SCN8A: variants seen among roughly 807,000 people sequenced by gnomAD.
SCN8A encodes sodium voltage-gated channel alpha subunit 8.
Under a neutral mutation model 184.1 loss-of-function variants are expected in SCN8A, and 30 were observed. The observed-to-expected ratio is 0.16, with a 90% CI of 0.12 to 0.22. The LOEUF (loss-of-function observed/expected upper bound fraction) is 0.22, where lower values mean the gene tolerates loss of function less well. Among genes scored for constraint, SCN8A ranks in the 10% least tolerant of loss-of-function variants. The pLI is 1.00. For missense variants in SCN8A, 1,057 were observed against 2,498.9 expected (o/e 0.42, Z 12.30); for synonymous variants, 852 against 907.0 (o/e 0.94, Z 1.09).
intron 25 of SCN8A, among the ~76,000 whole-genome samples, chr12:51,792,417 G>A (rs1243202263): frequency 6.7e-6 from 1 of 149,792 alleles, no homozygotes; most frequent in African/African-American, 2.5e-5. Context: ...AGGAGTCAGG[G>A]CTGCAGAGGA....
At chr12:51,777,384 T>G (rs911504906) in intron 20 of SCN8A, among the ~76,000 whole-genome samples, 3 of 152,170 alleles carry the variant, frequency 2.0e-5, no homozygotes, top group African/African-American at 7.2e-5. Flanking sequence ...CTCAGCCTCC[T>G]GAGTAGCTGG....
rs1207204144 is a variant in SCN8A, at chr12:51,806,796, T to C, written c.5310T>C (p.Ser1770=). The C allele has an allele frequency of 6.2e-7, 1 of 1,614,208 alleles. No homozygotes were observed. The highest frequency in any genetic ancestry group is 8.5e-7 in the Non-Finnish European group (1 of 1,180,038). Residue 1770 remains serine (S), a synonymous_variant, in exon 27 of 27, where the codon AGT becomes AGC. Coordinates refer to ENST00000627620, the MANE Select transcript of SCN8A (RefSeq NM_001330260.2). This position sits in a 1 kb window ranked among gnomAD's most constrained non-coding sequence, Gnocchi z 8.7. ...MYIAIILENF[S]VATEESADPL... Reference sequence around the variant, plus strand: ...TTGCCATCATCCTGGAGAACTTCAGTGTAGCCACAGAGGAAAGTGCAGACC... The same window carrying C: ...TTGCCATCATCCTGGAGAACTTCAGCGTAGCCACAGAGGAAAGTGCAGACC...
chr12:51,700,540 T>G (rs1941670167), intron 7 of SCN8A, among the ~76,000 whole-genome samples: 2 of 152,224 alleles, frequency 1.3e-5, no homozygotes, highest in Admixed American at 6.5e-5. Flanking sequence ...TGAGTAGTTT[T>G]AATCATTTTA....
chr12:51,703,082 C>T (rs1008941188), intron 9 of SCN8A, among the ~76,000 whole-genome samples, 168 bp downstream of exon 9: 7 of 152,168 alleles, frequency 4.6e-5, no homozygotes, highest in Admixed American at 3.9e-4. Flanking sequence ...CAGTTCTCAT[C>T]CCTGTTTCTC....
At chr12:51,675,369 C>T (rs1941205767) in intron 2 of SCN8A, among the ~76,000 whole-genome samples, 1 of 152,280 alleles carries the variant, frequency 6.6e-6, no homozygotes, top group Middle Eastern at 3.4e-3. Flanking sequence ...GAAGTGTATG[C>T]AGAAGCACCT....
intron 12 of SCN8A, among the ~76,000 whole-genome samples, chr12:51,742,518 A>T (rs1942443055): frequency 6.6e-6 from 1 of 151,114 alleles, no homozygotes; most frequent in African/African-American, 2.4e-5. Flanking sequence ...TATCATTACC[A>T]CTTTCTCCTA....
At chr12:51,676,431 C>G (rs187126692) in intron 2 of SCN8A, among the ~76,000 whole-genome samples, 1 of 152,246 alleles carries the variant, frequency 6.6e-6, no homozygotes, top group African/African-American at 2.4e-5. Context: ...TGTTTAGATT[C>G]TGCATTATAT....
intron 12 of SCN8A, among the ~76,000 whole-genome samples, chr12:51,740,828 A>G (rs1221747183): frequency 6.6e-6 from 1 of 152,182 alleles, no homozygotes; most frequent in East Asian, 1.9e-4. Context: ...TCTGTTATCC[A>G]GGTTGGAGTG....
At chr12:51,722,100 C>A in intron 12 of SCN8A, 192 bp downstream of exon 12, 1 of 843,180 alleles carries the variant, frequency 1.2e-6, no homozygotes, top group Non-Finnish European at 1.8e-6. Context: ...ATTTCTATTT[C>A]TCTCTTCAGT....
intron 1 of SCN8A, among the ~76,000 whole-genome samples, chr12:51,650,387 C>T (rs1207376973): frequency 1.3e-5 from 2 of 152,070 alleles, no homozygotes; most frequent in African/African-American, 2.4e-5. Context: ...TGTATTAGTC[C>T]GTTTTCATGC....
Position 51,810,102 on chromosome 12 carries a change from T to C in SCN8A, c.*2673T>C, listed in dbSNP as rs943903776. Reference sequence around the variant, plus strand: ...AAGCTACTAGGGCATAGTGATGAGATTTTTCTGAGATCTAACCGTTTCCCT... The same window carrying C: ...AAGCTACTAGGGCATAGTGATGAGACTTTTCTGAGATCTAACCGTTTCCCT... On this transcript the variant is annotated 3_prime_UTR_variant, in exon 27 of 27. Coordinates refer to ENST00000627620, the MANE Select transcript of SCN8A (RefSeq NM_001330260.2). The C allele has an allele frequency of 5.6e-6, 1 of 177,622 alleles. No individual in the cohort carries two copies. Among genetic ancestry groups the C allele is most frequent in the Non-Finnish European group, 1.2e-5 (1 of 82,148 alleles). The allele number at this position is 177,622 out of a possible 1,614,324, so 11.0% of individuals were successfully genotyped here.
At chr12:51,722,953 C>T (rs1347823808) in intron 12 of SCN8A, 1 of 152,100 alleles carries the variant, frequency 6.6e-6, no homozygotes, top group Non-Finnish European at 1.5e-5. Context: ...TCTAACTTTC[C>T]TCAGTCCCTC....
chr12:51,603,839 G>T (rs1342948149), intron 1 of SCN8A, among the ~76,000 whole-genome samples: 5 of 151,224 alleles, frequency 3.3e-5, no homozygotes, highest in Non-Finnish European at 7.4e-5. Context: ...CTTTTCATGT[G>T]CTCTCTGTGT....
intron 1 of SCN8A, among the ~76,000 whole-genome samples, chr12:51,658,802 C>G (rs775810540): frequency 6.6e-6 from 1 of 152,074 alleles, no homozygotes; most frequent in Non-Finnish European, 1.5e-5. Context: ...AATTTCATCC[C>G]AATAAATTAC....
chr12:51,691,280 G>A (rs1941502817), intron 6 of SCN8A, among the ~76,000 whole-genome samples: 1 of 152,096 alleles, frequency 6.6e-6, no homozygotes, highest in Non-Finnish European at 1.5e-5. Context: ...ACTAACTAGG[G>A]CAGCAGATGC....
chr12:51,765,171 G>A (rs777736447), intron 15 of SCN8A, among the ~76,000 whole-genome samples: 2 of 152,000 alleles, frequency 1.3e-5, no homozygotes, highest in East Asian at 1.9e-4. Context: ...ATATCACAAC[G>A]GTTTTTTTTT....
intron 1 of SCN8A, among the ~76,000 whole-genome samples, chr12:51,593,940 C>T (rs1939289000): frequency 6.6e-6 from 1 of 152,190 alleles, no homozygotes; most frequent in African/African-American, 2.4e-5. Flanking sequence ...TGTTAATATT[C>T]TTGGTCTCCA....
intron 26 of SCN8A, among the ~76,000 whole-genome samples, chr12:51,802,013 C>T (rs1263409788): frequency 6.6e-6 from 1 of 152,098 alleles, no homozygotes; most frequent in African/African-American, 2.4e-5. Flanking sequence ...GGAGATTGCA[C>T]CACTGCACTC....
intron 15 of SCN8A, among the ~76,000 whole-genome samples, chr12:51,763,779 T>C (rs1358569336): frequency 1.3e-5 from 2 of 152,254 alleles, no homozygotes; most frequent in Admixed American, 1.3e-4. Flanking sequence ...AGGTCACTAC[T>C]GCTTCCCTGG....
Sources: gnomAD v4.1 joint callset for allele counts (sites outside exome capture counted in the v4.1 genomes callset) on GRCh38, gnomAD v4.1.1 for gene constraint, Gnocchi (gnomAD v3.1) non-coding constraint, MANE v1.5 for transcripts, NCBI Gene and HGNC (gene_info 2026-07-23, HGNC 2026-07-21) for gene names.